PLXNC1: variants seen among roughly 807,000 people sequenced by gnomAD.
The protein encoded by PLXNC1 is plexin C1, also known as plexin-C1.
Under a neutral mutation model 178.2 loss-of-function variants are expected in PLXNC1, and 75 were observed. The ratio of observed to expected loss-of-function variants is 0.42; its 90% CI spans 0.35 to 0.51. The LOEUF (loss-of-function observed/expected upper bound fraction) is 0.51, where lower values mean the gene tolerates loss of function less well. Ranked by LOEUF, PLXNC1 falls within the 20% of genes least tolerant of loss-of-function variation. The pLI is 0.02. For synonymous variants in PLXNC1, 790 were observed against 779.9 expected (o/e 1.01, Z -0.22); for missense variants, 1,503 against 1,984.4 (o/e 0.76, Z 4.61).
Position 94,237,883 on chromosome 12 carries a change from C to A in PLXNC1, c.2120+80C>A, listed in dbSNP as rs138753797. 2.0e-3 allele frequency: 2,743 copies of A among 1,405,562 alleles called. 6 individuals carry two copies. Among genetic ancestry groups the A allele is most frequent in the Middle Eastern group, 4.3e-3 (24 of 5,558 alleles). The allele number at this position is 1,405,562 out of a possible 1,614,324, so 87.1% of individuals were successfully genotyped here. ...CAAAGGAATATCAGTGTGATTATAACCTTAATATAGTCAAATTATTGCCAT... is the reference window on the plus strand; with the variant it reads ...CAAAGGAATATCAGTGTGATTATAAACTTAATATAGTCAAATTATTGCCAT... On this transcript the variant is annotated intron_variant, in intron 10 of 30. Coordinates refer to ENST00000258526, the MANE Select transcript of PLXNC1 (RefSeq NM_005761.3).
intron 5 of PLXNC1, among the ~76,000 whole-genome samples, chr12:94,217,438 C>T (rs1963676824): frequency 1.3e-5 from 2 of 152,206 alleles, no homozygotes; most frequent in Admixed American, 1.3e-4. Context: ...ATGTTCATGT[C>T]TCCTTTATCC....
chr12:94,200,154 A>G (rs1257509010), intron 4 of PLXNC1, among the ~76,000 whole-genome samples: 1 of 152,190 alleles, frequency 6.6e-6, no homozygotes, highest in African/African-American at 2.4e-5. Context: ...CCTCCGTGCT[A>G]CTTACCTGCA....
At chr12:94,186,274 G>A in intron 3 of PLXNC1, 99 bp from the exon 4 acceptor site, 1 of 803,184 alleles carries the variant, frequency 1.2e-6, no homozygotes, top group Non-Finnish European at 2.2e-6. Flanking sequence ...AGTTCAAGTT[G>A]ATAAATAGGC....
At chr12:94,229,495 A>G (rs190085205) in intron 9 of PLXNC1, among the ~76,000 whole-genome samples, 2 of 152,238 alleles carry the variant, frequency 1.3e-5, no homozygotes, top group East Asian at 3.9e-4. Context: ...ATGTCATGAA[A>G]CTTTCTTTCT....
chr12:94,267,663 C>G (rs77148969), intron 21 of PLXNC1, among the ~76,000 whole-genome samples: 2 of 152,144 alleles, frequency 1.3e-5, no homozygotes, highest in Admixed American at 6.5e-5. Context: ...CCCAGCCCCC[C>G]TTTCATGGTT....
chr12:94,295,775 C>A (rs1967860855), intron 24 of PLXNC1, among the ~76,000 whole-genome samples: 1 of 152,200 alleles, frequency 6.6e-6, no homozygotes, highest in Admixed American at 6.5e-5. Flanking sequence ...CCAGGGCCCT[C>A]CACACAGCCT....
At chr12:94,243,234 C>A (rs531396397) in intron 11 of PLXNC1, among the ~76,000 whole-genome samples, 20 of 152,348 alleles carry the variant, frequency 1.3e-4, no homozygotes, top group African/African-American at 4.8e-4. Context: ...GCTGTTGGAC[C>A]TGACGTACCC....
intron 4 of PLXNC1, among the ~76,000 whole-genome samples, chr12:94,192,461 A>G (rs1565802814): frequency 6.6e-6 from 1 of 151,422 alleles, no homozygotes; most frequent in Non-Finnish European, 1.5e-5. Context: ...CTGATCTAGT[A>G]ATGCTGTATA....
intron 21 of PLXNC1, 45 bp from the exon 22 acceptor site, chr12:94,279,427 T>C (rs773453545): frequency 1.9e-6 from 3 of 1,550,892 alleles, no homozygotes; most frequent in Admixed American, 3.7e-5. Flanking sequence ...GCCTTTCAGA[T>C]TGCAATTATC....
intron 22 of PLXNC1, chr12:94,280,091 C>G: frequency 3.1e-6 from 1 of 327,710 alleles, no homozygotes. Context: ...CTCTAGCCTG[C>G]TAGAAAGGTC....
At chr12:94,212,088 A>C (rs1016581627) in intron 5 of PLXNC1, among the ~76,000 whole-genome samples, 55 of 151,760 alleles carry the variant, frequency 3.6e-4, no homozygotes, top group African/African-American at 1.3e-3. Flanking sequence ...CCCCGGCTAA[A>C]ACGGTGAAAC....
chr12:94,232,295 G>T (rs1964124133), intron 9 of PLXNC1, among the ~76,000 whole-genome samples: 1 of 152,222 alleles, frequency 6.6e-6, no homozygotes, highest in African/African-American at 2.4e-5. Flanking sequence ...CACCATGTTG[G>T]CCAGGATGGT....
At chr12:94,173,811 T>C (rs553280190) in intron 2 of PLXNC1, among the ~76,000 whole-genome samples, 139 of 152,294 alleles carry the variant, frequency 9.1e-4, no homozygotes, top group African/African-American at 3.3e-3. Flanking sequence ...CCGAGAACCC[T>C]GTGGTTTAGT....
At chr12:94,192,386 A>C (rs965420651) in intron 4 of PLXNC1, among the ~76,000 whole-genome samples, 10 of 151,808 alleles carry the variant, frequency 6.6e-5, no homozygotes, top group Non-Finnish European at 1.5e-4. Flanking sequence ...CTCAGGATAC[A>C]GTTCTTTCTT....
rs1969128273 is a variant in PLXNC1, at chr12:94,307,186, G to A, written c.*1901G>A. ...GTGGAGAGTTACCTCCTCTTCCAGG[G>A]ACTGTGCTGTTGGGAACTTTGGGCA... On this transcript the variant is annotated 3_prime_UTR_variant, in exon 31 of 31. Coordinates refer to ENST00000258526, the MANE Select transcript of PLXNC1 (RefSeq NM_005761.3). The A allele has an allele frequency of 6.6e-6, 1 of 152,190 alleles. No individual in the cohort carries two copies. Among genetic ancestry groups the A allele is most frequent in the African/African-American group, 2.4e-5 (1 of 41,454 alleles). The allele number at this position is 152,190 out of a possible 1,614,324, so 9.4% of individuals were successfully genotyped here. A position where few individuals can be genotyped will look rare whatever the true frequency, so the allele number is the denominator to read the frequency against.
intron 14 of PLXNC1, among the ~76,000 whole-genome samples, chr12:94,249,521 A>G (rs1422726563): frequency 6.6e-6 from 1 of 152,052 alleles, no homozygotes; most frequent in Non-Finnish European, 1.5e-5. Flanking sequence ...GGTGTGAGCT[A>G]CCGCGCCCAG....
At chr12:94,196,815 G>A (rs1216326758) in intron 4 of PLXNC1, among the ~76,000 whole-genome samples, 1 of 152,142 alleles carries the variant, frequency 6.6e-6, no homozygotes, top group African/African-American at 2.4e-5. Flanking sequence ...TAGTCCTCCT[G>A]GTACCCCATG....
intron 5 of PLXNC1, among the ~76,000 whole-genome samples, chr12:94,219,803 T>TTTTATTTATTTATTTA (rs61371301): frequency 2.6e-5 from 3 of 116,396 alleles, no homozygotes; most frequent in East Asian, 3.0e-4. Context: ...TCTTTTATAT[T>TTTTATTTATTTATTTA]TTTATTTATT....
intron 10 of PLXNC1, among the ~76,000 whole-genome samples, chr12:94,238,446 A>C (rs987556506): frequency 6.6e-6 from 1 of 151,912 alleles, no homozygotes; most frequent in African/African-American, 2.4e-5. Context: ...AAGACTTTTC[A>C]ATTTCTACCG....
Sources: gnomAD v4.1 joint callset for allele counts (sites outside exome capture counted in the v4.1 genomes callset) on GRCh38, gnomAD v4.1.1 for gene constraint, MANE v1.5 for transcripts, NCBI Gene and HGNC (gene_info 2026-07-23, HGNC 2026-07-21) for gene names.